RAB40B: variants seen among roughly 807,000 people sequenced by gnomAD.
The protein encoded by RAB40B is RAB40B, member RAS oncogene family.
A neutral mutation model predicts 24.0 loss-of-function variants in RAB40B; 21 were observed. That is an observed-to-expected ratio of 0.88 (90% CI 0.62 to 1.26). The LOEUF (loss-of-function observed/expected upper bound fraction) is 1.26. Among genes scored for constraint, RAB40B ranks in the 50% most tolerant of loss-of-function variants. The pLI is 0.00. For synonymous variants in RAB40B, 167 were observed against 169.8 expected (o/e 0.98, Z 0.13); for missense variants, 348 against 390.5 (o/e 0.89, Z 0.92).
chr17:82,682,192 A>G (rs1301812231), intron 1 of RAB40B, among the ~76,000 whole-genome samples: 1 of 152,078 alleles, frequency 6.6e-6, no homozygotes, highest in Non-Finnish European at 1.5e-5. Flanking sequence ...TAAGAAAGCT[A>G]TTAGAACTCA....
rs1052764483 is a variant in RAB40B, at chr17:82,663,296, C to A, written c.203+1200G>T. 2.0e-5 allele frequency among the ~76,000 whole-genome samples: 3 copies of A among 152,010 alleles called. No individual in the cohort carries two copies. The South Asian group carries it at 6.2e-4, about 31-fold the overall frequency. On this transcript the variant is annotated intron_variant, in intron 2 of 5. Transcript: ENST00000571995. This position sits in a 1 kb window ranked among gnomAD's most constrained non-coding sequence, Gnocchi z 6.2. ...GGGGGTCCCAGCTGCTGGAGGCACA[C>A]GTGGCTCGGGGGTGGCCCAGCAGGC...
intron 5 of RAB40B, 103 bp downstream of exon 5, chr17:82,658,388 C>T (rs1191131754): frequency 7.5e-6 from 10 of 1,336,226 alleles, no homozygotes; most frequent in Non-Finnish European, 8.4e-6. Flanking sequence ...GACACAGTGG[C>T]CTTGAGACGG....
Position 82,658,117 on chromosome 17 carries a change from G to A in RAB40B, c.583C>T (p.Leu195Phe), listed in dbSNP as rs1415529702. Residue 195 changes from leucine to phenylalanine, a missense_variant, in exon 6 of 6, where the codon CTC becomes TTC. This residue lies in a region of RAB40B where 121 missense variants were observed against 124.0 expected (regional missense o/e 0.98). Transcript: ENST00000571995. ...RPSKVLSLQDLCCRAVVSCTP... is the reference protein window; with the variant it reads ...RPSKVLSLQDFCCRAVVSCTP... ...CAGGACACGACCGCCCGGCAGCAGA[G>A]GTCTTGCAAGCTCAGCACTTGGGAG... The A allele has an allele frequency of 6.2e-7, 1 of 1,613,952 alleles. No homozygotes were observed. Among genetic ancestry groups the A allele is most frequent in the Non-Finnish European group, 8.5e-7 (1 of 1,179,978 alleles).
At chr17:82,677,649 A>G (rs751094083) in intron 1 of RAB40B, among the ~76,000 whole-genome samples, 6 of 151,992 alleles carry the variant, frequency 3.9e-5, no homozygotes, top group Non-Finnish European at 8.8e-5. Context: ...ATCCTCGTCC[A>G]CCACCCGTCT....
Position 82,682,117 on chromosome 17 carries a change from G to A in RAB40B, c.142+16338C>T, listed in dbSNP as rs909009844. Among the ~76,000 whole-genome samples, 5 of 48,630 alleles carry A rather than the reference G, an allele frequency of 1.0e-4. No homozygotes were observed. The East Asian group carries it at 2.2e-3, about 22-fold the overall frequency. The allele number at this position is 48,630 out of a possible 152,430, so 31.9% of individuals were successfully genotyped here. On this transcript the variant is annotated intron_variant, in intron 1 of 5. Coordinates refer to ENST00000571995, the MANE Select transcript of RAB40B (RefSeq NM_006822.3). ...ATGACATTACTATACACACACACAC[G>A]CATGCACACACACACACACACAGGC...
intron 1 of RAB40B, among the ~76,000 whole-genome samples, chr17:82,695,485 C>T (rs984551392): frequency 1.9e-4 from 29 of 151,018 alleles, no homozygotes; most frequent in Admixed American, 1.5e-3. Flanking sequence ...CCACTGCGCC[C>T]GGCTGCCCTC....
rs771641599 is a variant in RAB40B, at chr17:82,681,744, A to G, written c.142+16711T>C. Among the ~76,000 whole-genome samples, 8 of 152,196 alleles carry G rather than the reference A, an allele frequency of 5.3e-5. No individual in the cohort carries two copies. The East Asian group carries it at 5.8e-4, about 11-fold the overall frequency. On this transcript the variant is annotated intron_variant, in intron 1 of 5. Transcript: ENST00000571995. ...TGGTTCGACCTTTGAAAATCTATCA[A>G]TGCAATTTATCACATCAATAAATCA...
chr17:82,662,572 A>G (rs976604790), intron 2 of RAB40B: 1 of 985,130 alleles, frequency 1.0e-6, no homozygotes, highest in African/African-American at 1.7e-5. Context: ...TGTGGGCACC[A>G]GGAAGGACCA....
At chr17:82,666,164 C>T (rs910704793) in intron 1 of RAB40B, among the ~76,000 whole-genome samples, 4 of 152,136 alleles carry the variant, frequency 2.6e-5, no homozygotes, top group Non-Finnish European at 4.4e-5. Context: ...GGCTGGTCAA[C>T]CTCCTGGACT....
chr17:82,698,358 T>TA, intron 1 of RAB40B, 97 bp downstream of exon 1: 1 of 557,124 alleles, frequency 1.8e-6, no homozygotes, highest in Non-Finnish European at 2.2e-6. Flanking sequence ...CGGTCTCGCG[T>TA]CCCCGGACCC....
chr17:82,693,654 G>A (rs181147362), intron 1 of RAB40B, among the ~76,000 whole-genome samples: 128 of 152,248 alleles, frequency 8.4e-4, no homozygotes, highest in African/African-American at 1.2e-3. Flanking sequence ...CCAAATGCCC[G>A]TCACCCGCAG....
intron 1 of RAB40B, 60 bp downstream of exon 1, chr17:82,698,395 G>A: frequency 3.1e-4 from 28 of 90,578 alleles, no homozygotes; most frequent in Non-Finnish European, 4.3e-4. Context: ...CCCCTCCCCA[G>A]CCCCGCGCCC....
Position 82,658,666 on chromosome 17 carries a change from C to T in RAB40B, c.390G>A (p.Leu130=), listed in dbSNP as rs2046119896. ...PKILVGNRLH[L]AFKRQVPTEQ... ...CCGTGGGCACCTGCCGCTTGAACGC[C>T]AGGTGCAGGCGGTTCCCCACCAGGA... Residue 130 remains leucine, a synonymous_variant, in exon 5 of 6, where the codon CTG becomes CTA. Transcript: ENST00000571995. 6.2e-7 allele frequency: 1 copy of T among 1,613,282 alleles called. No individual in the cohort carries two copies. Among genetic ancestry groups the T allele is most frequent in the Non-Finnish European group, 8.5e-7 (1 of 1,179,906 alleles).
At chr17:82,691,538 T>G (rs190614619) in intron 1 of RAB40B, among the ~76,000 whole-genome samples, 15 of 151,874 alleles carry the variant, frequency 9.9e-5, no homozygotes, top group Admixed American at 7.9e-4. Flanking sequence ...AATACAAAAA[T>G]TAGCCGGGCA....
intron 4 of RAB40B, chr17:82,658,927 C>G (rs1309973712): frequency 1.8e-6 from 1 of 551,732 alleles, no homozygotes; most frequent in Non-Finnish European, 3.2e-6. Flanking sequence ...GACTGGTGTC[C>G]TTGGGAGAAG....
In RAB40B at chr17:82,661,196, A is replaced by G; in HGVS notation, c.204-149T>C. 2.1e-6 allele frequency: 3 copies of G among 1,437,542 alleles called. No homozygotes were observed. In the East Asian group the frequency reaches 7.6e-5, roughly 36 times the overall value. 89.0% of individuals were successfully genotyped at this position (1,437,542 alleles called of 1,614,324 possible). On this transcript the variant is annotated intron_variant, in intron 2 of 5. Coordinates refer to ENST00000571995, the MANE Select transcript of RAB40B (RefSeq NM_006822.3). Reference sequence around the variant, plus strand: ...GCGTGAGACCCCAACAAAACTTTCCAATGTCCCTGAAGGGATCCGGGTGTT... The same window carrying G: ...GCGTGAGACCCCAACAAAACTTTCCGATGTCCCTGAAGGGATCCGGGTGTT...
chr17:82,657,469 C>T lies in RAB40B; in HGVS notation c.*394G>A, dbSNP rs1235888999. The T allele has an allele frequency of 2.9e-6, 1 of 350,276 alleles. No homozygotes were observed. Among genetic ancestry groups the T allele is most frequent in the East Asian group, 7.7e-5 (1 of 13,064 alleles). 21.7% of individuals were successfully genotyped at this position (350,276 alleles called of 1,614,324 possible). A position where few individuals can be genotyped will look rare whatever the true frequency, so the allele number is the denominator to read the frequency against. On this transcript the variant is annotated 3_prime_UTR_variant, in exon 6 of 6. Coordinates refer to ENST00000571995, the MANE Select transcript of RAB40B (RefSeq NM_006822.3). ...AAGACCCCTCTCGTAATATCAGTGACTCTAAATTATCCCGCTGCCATTGCT... is the reference window on the plus strand; with the variant it reads ...AAGACCCCTCTCGTAATATCAGTGATTCTAAATTATCCCGCTGCCATTGCT...
intron 3 of RAB40B, among the ~76,000 whole-genome samples, chr17:82,660,555 TACACAC>T (rs373058507): frequency 1.4e-5 from 2 of 144,556 alleles, no homozygotes; most frequent in Non-Finnish European, 3.0e-5. Context: ...CACACACGTG[TACACAC>T]ACACACGCAC....
intron 2 of RAB40B, chr17:82,662,753 G>A (rs1234846713): frequency 2.1e-5 from 21 of 985,280 alleles, no homozygotes; most frequent in Non-Finnish European, 2.5e-5. Context: ...CCTGAGGTGA[G>A]AGGGAGAAAA....
Sources: allele counts gnomAD v4.1 joint callset (sites outside exome capture counted in the v4.1 genomes callset), GRCh38; gene constraint gnomAD v4.1.1; regional missense constraint gnomAD v4.1.1; non-coding constraint Gnocchi (gnomAD v3.1); transcripts MANE v1.5; gene names NCBI Gene and HGNC (gene_info 2026-07-23, HGNC 2026-07-21).